The following RPS6KC1 variants were observed in gnomAD, a reference collection of about 807,000 sequenced individuals.
The protein encoded by RPS6KC1 is ribosomal protein S6 kinase C1.
A neutral mutation model predicts 103.8 loss-of-function variants in RPS6KC1; 54 were observed. The observed-to-expected ratio is 0.52, with a 90% CI of 0.42 to 0.65. The LOEUF is 0.65. RPS6KC1 is among the 30% of genes least tolerant of loss of function. RPS6KC1 has a pLI of 0.00. For synonymous variants in RPS6KC1, 439 were observed against 438.7 expected (o/e 1.00, Z -0.01); for missense variants, 1,151 against 1,253.8 (o/e 0.92, Z 1.24).
the RPS6KC1 span, among the ~76,000 whole-genome samples, chr1:213,675,045 G>T: frequency 9.2e-5 from 14 of 152,260 alleles, no homozygotes; most frequent in Middle Eastern, 3.4e-3. Context: ...TTAGACCTTT[G>T]TTGGTTGCAT....
At chr1:213,555,506 A>G in the RPS6KC1 span, among the ~76,000 whole-genome samples, 528 of 152,258 alleles carry the variant, frequency 3.5e-3, 6 homozygotes, top group African/African-American at 0.012. Context: ...TCTGTCACTC[A>G]GGCTGGATCT....
At chr1:213,397,464 C>T in the RPS6KC1 span, among the ~76,000 whole-genome samples, 1 of 151,798 alleles carries the variant, frequency 6.6e-6, no homozygotes, top group African/African-American at 2.4e-5. Context: ...AGTGTTGGTT[C>T]CAATTTGCCA....
chr1:213,108,400 A>G (rs746002135), intron 4 of RPS6KC1, among the ~76,000 whole-genome samples: 2 of 152,158 alleles, frequency 1.3e-5, no homozygotes, highest in Admixed American at 1.3e-4. Context: ...GACTGTAATT[A>G]TAATGGCTTA....
intron 8 of RPS6KC1, among the ~76,000 whole-genome samples, chr1:213,215,939 G>A (rs900802834): frequency 1.3e-5 from 2 of 152,206 alleles, no homozygotes; most frequent in African/African-American, 2.4e-5. Flanking sequence ...AAATTGTGAA[G>A]ACCATTGAGG....
the RPS6KC1 span, among the ~76,000 whole-genome samples, chr1:213,376,954 G>T: frequency 6.6e-6 from 1 of 152,192 alleles, no homozygotes; most frequent in African/African-American, 2.4e-5. Flanking sequence ...CTCAGCAAAG[G>T]TTGGCTTCTC....
chr1:213,387,020 AC>A, the RPS6KC1 span, among the ~76,000 whole-genome samples: 19,382 of 152,234 alleles, frequency 0.13, 1,594 homozygotes, highest in Non-Finnish European at 0.19. Context: ...GTACCAACCA[AC>A]TATTGCTAGA....
the RPS6KC1 span, among the ~76,000 whole-genome samples, chr1:213,311,381 A>G: frequency 6.6e-6 from 1 of 151,978 alleles, no homozygotes; most frequent in South Asian, 2.1e-4. Context: ...CTTGTGATCC[A>G]CCCACCTCGG....
At chr1:213,689,711 T>C in the RPS6KC1 span, among the ~76,000 whole-genome samples, 1 of 152,202 alleles carries the variant, frequency 6.6e-6, no homozygotes. Context: ...TGTAGGAGAA[T>C]TGTTTGAGAG....
chr1:213,850,723 TG>T, the RPS6KC1 span, among the ~76,000 whole-genome samples: 2 of 152,066 alleles, frequency 1.3e-5, no homozygotes, highest in Non-Finnish European at 2.9e-5. Context: ...CCATGCTAGT[TG>T]TTTCTCTCCT....
chr1:213,754,603 G>A, the RPS6KC1 span, among the ~76,000 whole-genome samples: 10 of 152,250 alleles, frequency 6.6e-5, no homozygotes, highest in East Asian at 1.9e-3. Flanking sequence ...ACGTAAGAAG[G>A]CTATTCCCAC....
At chr1:213,349,190 TA>T in the RPS6KC1 span, among the ~76,000 whole-genome samples, 1 of 152,224 alleles carries the variant, frequency 6.6e-6, no homozygotes, top group Non-Finnish European at 1.5e-5. Context: ...CCTTTCTAAG[TA>T]AAGAGAAGAA....
chr1:213,165,223 A>G (rs1315053830), intron 6 of RPS6KC1, among the ~76,000 whole-genome samples: 1 of 151,992 alleles, frequency 6.6e-6, no homozygotes, highest in Non-Finnish European at 1.5e-5. Flanking sequence ...TAAGGAAGGA[A>G]CCGTAGTATT....
At chr1:213,723,694 A>C in the RPS6KC1 span, among the ~76,000 whole-genome samples, 1 of 152,186 alleles carries the variant, frequency 6.6e-6, no homozygotes, top group African/African-American at 2.4e-5. Context: ...GGGCAAAGTC[A>C]AATTTCACTC....
At chr1:213,456,267 A>G in the RPS6KC1 span, among the ~76,000 whole-genome samples, 3 of 152,242 alleles carry the variant, frequency 2.0e-5, no homozygotes, top group South Asian at 4.1e-4. Context: ...AAGAGGTTGA[A>G]CCCTAGGTCC....
the RPS6KC1 span, chr1:213,832,405 A>C: frequency 6.6e-6 from 1 of 152,160 alleles, no homozygotes; most frequent in African/African-American, 2.4e-5. Context: ...AACCACATTC[A>C]TAAGCCATCC....
the RPS6KC1 span, among the ~76,000 whole-genome samples, chr1:213,859,770 GC>G: frequency 6.6e-6 from 1 of 152,156 alleles, no homozygotes; most frequent in Non-Finnish European, 1.5e-5. Flanking sequence ...GGTTGCTTTT[GC>G]TTTTGGAACT....
the RPS6KC1 span, among the ~76,000 whole-genome samples, chr1:213,359,210 T>G: frequency 1.7e-4 from 26 of 152,226 alleles, no homozygotes; most frequent in African/African-American, 5.8e-4. Context: ...CGTAGGTCTC[T>G]AAGGACTTGC....
chr1:213,543,817 G>A, the RPS6KC1 span, among the ~76,000 whole-genome samples: 3 of 152,034 alleles, frequency 2.0e-5, no homozygotes, highest in African/African-American at 7.2e-5. Context: ...TGTTTTCTTT[G>A]CTTCTTGCAG....
chr1:213,119,481 T>TG (rs2084125858), intron 5 of RPS6KC1, among the ~76,000 whole-genome samples: 1 of 69,638 alleles, frequency 1.4e-5, no homozygotes, highest in African/African-American at 7.6e-5. Flanking sequence ...TATATATATA[T>TG]ATATATATAT....
Sources: gnomAD v4.1 joint callset for allele counts (sites outside exome capture counted in the v4.1 genomes callset) on GRCh38, gnomAD v4.1.1 for gene constraint, MANE v1.5 for transcripts, NCBI Gene and HGNC (gene_info 2026-07-23, HGNC 2026-07-21) for gene names.